PGS1: variants seen among roughly 807,000 people sequenced by gnomAD.
PGS1 encodes the protein phosphatidylglycerophosphate synthase 1.
Under a neutral mutation model 58.3 loss-of-function variants are expected in PGS1, and 44 were observed. The observed-to-expected ratio is 0.75, with a 90% CI of 0.59 to 0.97. PGS1 has a LOEUF of 0.97. Among genes scored for constraint, PGS1 ranks in the 50% least tolerant of loss-of-function variants. The pLI is 0.00. For missense variants in PGS1, 684 were observed against 731.1 expected (o/e 0.94, Z 0.74); for synonymous variants, 330 against 311.0 (o/e 1.06, Z -0.64).
At chr17:78,402,396 T>A (rs2083746063) in intron 6 of PGS1, among the ~76,000 whole-genome samples, 1 of 48,820 alleles carries the variant, frequency 2.0e-5, no homozygotes, top group Non-Finnish European at 4.7e-5. Flanking sequence ...TAATTTCTAT[T>A]CATATATATA....
At chr17:78,410,627 GAAT>G (rs1438344141) in intron 7 of PGS1, among the ~76,000 whole-genome samples, 12 of 151,766 alleles carry the variant, frequency 7.9e-5, no homozygotes, top group Admixed American at 2.0e-4. Flanking sequence ...GCACGCACCA[GAAT>G]GCCCAGCTAG....
At chr17:78,379,166 C>G (rs1334541772) in intron 1 of PGS1, among the ~76,000 whole-genome samples, 1 of 152,182 alleles carries the variant, frequency 6.6e-6, no homozygotes, top group Admixed American at 6.5e-5. Context: ...CGGTCAAGCT[C>G]CAGAGGCTGT....
At position 78,408,356 on chromosome 17, in the gene PGS1, C is replaced by T. The variant is rs535221790; in HGVS notation, c.1402+4267C>T. On this transcript the variant is annotated intron_variant, in intron 7 of 9. Transcript: ENST00000262764. ...AAGTCTAGAAGCCTGGTTCTGAGTC[C>T]ACATTTACCTGTGGCCACAGCTGAG... Among the ~76,000 whole-genome samples the T allele has an allele frequency of 7.6e-4, 116 of 152,246 alleles. 2 individuals carry two copies. The highest frequency in any genetic ancestry group is 2.2e-4 in the Non-Finnish European group (15 of 68,024).
chr17:78,378,881 G>C (rs1246236352), intron 1 of PGS1, 73 bp downstream of exon 1: 1 of 1,334,526 alleles, frequency 7.5e-7, no homozygotes, highest in Non-Finnish European at 9.6e-7. Flanking sequence ...CAAACTCCCG[G>C]CCCCAGCGTC....
In PGS1 at chr17:78,424,044, C is replaced by T; in HGVS notation, c.*11-17C>T. On this transcript the variant is annotated splice_polypyrimidine_tract_variant and intron_variant, in intron 9 of 9. Coordinates refer to ENST00000262764, the MANE Select transcript of PGS1 (RefSeq NM_024419.5). Reference sequence around the variant, plus strand: ...CGGGACACTCATAGATGTTCTTGGTCTCCATGCGGTCCACAGGAATGGCCT... The same window carrying T: ...CGGGACACTCATAGATGTTCTTGGTTTCCATGCGGTCCACAGGAATGGCCT... The T allele has an allele frequency of 6.2e-7, 1 of 1,614,060 alleles. No homozygotes were observed. The highest frequency in any genetic ancestry group is 8.5e-7 in the Non-Finnish European group (1 of 1,179,910).
Position 78,419,895 on chromosome 17 carries a change from C to T in PGS1, c.*10+220C>T, listed in dbSNP as rs111902259. 2,303 of 1,281,712 alleles carry T rather than the reference C, an allele frequency of 1.8e-3. 9 individuals carry two copies. Among genetic ancestry groups the T allele is most frequent in the South Asian group, 2.3e-3 (151 of 65,516 alleles). 79.4% of individuals were successfully genotyped at this position (1,281,712 alleles called of 1,614,324 possible). A position where few individuals can be genotyped will look rare whatever the true frequency, so the allele number is the denominator to read the frequency against. ...CACTTTCCATCTGGTACCCACTCCA[C>T]TAAGTCCCAAGGCGCCTGTGCTGGG... On this transcript the variant is annotated intron_variant, in intron 9 of 9. Transcript: ENST00000262764.
chr17:78,415,163 C>CT, intron 8 of PGS1, 136 bp downstream of exon 8: 1 of 1,006,640 alleles, frequency 9.9e-7, no homozygotes, highest in Non-Finnish European at 1.5e-6. Context: ...AAGAAAGACT[C>CT]TGGGTCTCCA....
chr17:78,396,491 C>G, intron 3 of PGS1, 106 bp downstream of exon 3: 1 of 781,720 alleles, frequency 1.3e-6, no homozygotes, highest in East Asian at 2.5e-5. Flanking sequence ...TCCTTGGCCT[C>G]CATGTCAGAG....
intron 8 of PGS1, among the ~76,000 whole-genome samples, chr17:78,417,307 CCT>C (rs374341377): frequency 2.9e-4 from 44 of 152,276 alleles, no homozygotes; most frequent in African/African-American, 1.1e-3. Context: ...AAACCAGCCC[CCT>C]GAGACCAGAG....
At chr17:78,387,355 AGTG>A (rs1396084629) in intron 1 of PGS1, among the ~76,000 whole-genome samples, 3 of 145,294 alleles carry the variant, frequency 2.1e-5, no homozygotes, top group Non-Finnish European at 4.5e-5. Context: ...GCTGGTGCAC[AGTG>A]GCGCGATCTG....
At chr17:78,418,492 C>G (rs752562190) in intron 8 of PGS1, among the ~76,000 whole-genome samples, 1 of 152,134 alleles carries the variant, frequency 6.6e-6, no homozygotes, top group Non-Finnish European at 1.5e-5. Context: ...ATGATTAGGT[C>G]AACACTCTTC....
At chr17:78,417,404 G>A (rs548249790) in intron 8 of PGS1, among the ~76,000 whole-genome samples, 2 of 152,316 alleles carry the variant, frequency 1.3e-5, no homozygotes, top group African/African-American at 2.4e-5. Flanking sequence ...ACGCGGGGCT[G>A]CGGGGCTGCT....
rs756278042 is a variant in PGS1 at position 78,388,500 on chromosome 17, ATTTTTT to A, written c.144-3969_144-3964del. Among the ~76,000 whole-genome samples the A allele has an allele frequency of 1.4e-4, 20 of 139,974 alleles. No homozygotes were observed. In the South Asian group the frequency reaches 1.8e-3, roughly 12 times the overall value. The allele number at this position is 139,974 out of a possible 152,430, so 91.8% of individuals were successfully genotyped here. Reference sequence around the variant, plus strand: ...AGGCACATGCCTCCACGCCTGGCTAATTTTTTTTTTTTATTTTTTATTTTTTGTAGA... The same window carrying A: ...AGGCACATGCCTCCACGCCTGGCTAATTTTTTATTTTTTATTTTTTGTAGA... On this transcript the variant is annotated intron_variant, in intron 1 of 9. Coordinates refer to ENST00000262764, the MANE Select transcript of PGS1 (RefSeq NM_024419.5).
rs770576882 is a variant in PGS1 at position 78,392,533 on chromosome 17, C to T, written c.201C>T (p.Ser67=). ...CCCCAGCTGTTCCCCAGGTCACCTC[C>T]CCACCTTGCTGCCTGTGTCCAGAAG... ...LLSPAVPQVT[S]PPCCLCPEGV... is the part of the protein sequence containing the mutation. The change falls in exon 2 of 10, where the codon TCC becomes TCT. Residue 67 remains serine (S), a synonymous_variant. Coordinates refer to ENST00000262764, the MANE Select transcript of PGS1 (RefSeq NM_024419.5). 1.5e-5 allele frequency: 24 copies of T among 1,614,136 alleles called. No individual in the cohort carries two copies. The Admixed American group carries it at 4.0e-4, about 27-fold the overall frequency.
intron 1 of PGS1, among the ~76,000 whole-genome samples, chr17:78,390,382 C>T (rs1426695321): frequency 6.6e-6 from 1 of 152,126 alleles, no homozygotes; most frequent in East Asian, 1.9e-4. Context: ...CAGTCGCAGA[C>T]TTCCAGGATC....
chr17:78,415,620 G>A (rs1449045162), intron 8 of PGS1, among the ~76,000 whole-genome samples: 4 of 152,208 alleles, frequency 2.6e-5, no homozygotes, highest in South Asian at 2.1e-4. Flanking sequence ...CAACAAGAGC[G>A]AAACTCTGTC....
chr17:78,404,194 C>T, intron 7 of PGS1, 105 bp downstream of exon 7: 1 of 1,232,874 alleles, frequency 8.1e-7, no homozygotes, highest in South Asian at 1.6e-5. Context: ...GTACTTCTCC[C>T]TTCCTACCTT....
Position 78,403,997 on chromosome 17 carries a change from G to A in PGS1, c.1310G>A (p.Arg437Gln), listed in dbSNP as rs773829610. 8.7e-6 allele frequency: 14 copies of A among 1,613,738 alleles called. No homozygotes were observed. The highest frequency in any genetic ancestry group is 2.2e-5 in the South Asian group (2 of 91,084). ...CCAGCGGCCTATGTGCACATCGAGC[G>A]ACAGTTCTTCAGTGAGGTGTGCAGC... The part of the protein sequence containing the change: ...AIPAAYVHIE[R>Q]QFFSEVCSLG... Residue 437 changes from arginine to glutamine, a missense_variant, in exon 7 of 10, where the codon CGA becomes CAA. Arg to Gln is a conservative substitution (Grantham distance 43, BLOSUM62 1). Coordinates refer to ENST00000262764, the MANE Select transcript of PGS1 (RefSeq NM_024419.5).
rs200793859 is a variant in PGS1, at chr17:78,397,307, CAG to C, written c.411+925_411+926del. 7.5e-3 allele frequency among the ~76,000 whole-genome samples: 1,144 copies of C among 152,066 alleles called. 12 individuals are homozygous for C. Among genetic ancestry groups the C allele is most frequent in the African/African-American group, 0.026 (1,090 of 41,316 alleles). On this transcript the variant is annotated intron_variant, in intron 3 of 9. Coordinates refer to ENST00000262764, the MANE Select transcript of PGS1 (RefSeq NM_024419.5). Reference sequence around the variant, plus strand: ...TAGTGAAACAGACGGGCCCATTGCCCAGAGTTAGTGCCGTTTCTTGGTCTGTC... The same window carrying C: ...TAGTGAAACAGACGGGCCCATTGCCCAGTTAGTGCCGTTTCTTGGTCTGTC...
Sources: allele counts gnomAD v4.1 joint callset (sites outside exome capture counted in the v4.1 genomes callset), GRCh38; gene constraint gnomAD v4.1.1; transcripts MANE v1.5; gene names NCBI Gene and HGNC (gene_info 2026-07-23, HGNC 2026-07-21).